FCN2: variants seen among roughly 807,000 people sequenced by gnomAD.
FCN2 encodes ficolin-2.
Under a neutral mutation model 32.5 loss-of-function variants are expected in FCN2, and 31 were observed. That is an observed-to-expected ratio of 0.96 (90% confidence interval 0.72 to 1.29). The LOEUF is 1.29. Ranked by LOEUF, FCN2 falls within the 50% of genes most tolerant of loss-of-function variation. The probability of loss-of-function intolerance (pLI) is 0.00; values close to 1 mark genes in which losing one functional copy is unlikely to be tolerated. For synonymous variants in FCN2, 181 were observed against 164.5 expected (o/e 1.10, Z -0.77); for missense variants, 412 against 406.5 (o/e 1.01, Z -0.12).
chr9:134,885,891 G>A lies in FCN2; in HGVS notation c.553G>A (p.Ala185Thr), dbSNP rs55860122. 5.2e-5 allele frequency: 84 copies of A among 1,612,330 alleles called. 1 individual carries two copies. Among genetic ancestry groups the A allele is most frequent in the East Asian group, 5.1e-4 (23 of 44,824 alleles). ...GAATGACAACATCCACGCCCTGACC[G>A]CCCAGGGTAGGGCCGCTGCTGGGGC... Reference protein sequence around the residue: ...LGNDNIHALTAQGTSELRVDL... With the variant: ...LGNDNIHALTTQGTSELRVDL... The change falls in exon 6 of 8, where the codon GCC (alanine) becomes ACC (threonine). Residue 185 changes from alanine (A) to threonine (T), a missense_variant. By Grantham distance (58) the Ala-to-Thr change is moderately conservative (BLOSUM62 0). Coordinates refer to ENST00000291744, the MANE Select transcript of FCN2 (RefSeq NM_004108.3).
chr9:134,886,367 C>A, intron 6 of FCN2, 63 bp from the exon 7 acceptor site: 1 of 1,603,480 alleles, frequency 6.2e-7, no homozygotes, highest in Non-Finnish European at 8.5e-7. Flanking sequence ...CCCCAGATCC[C>A]CAGCTCCCAT....
the FCN2 span, among the ~76,000 whole-genome samples, chr9:134,870,743 A>T: frequency 6.6e-6 from 1 of 151,214 alleles, no homozygotes; most frequent in South Asian, 2.1e-4. The surrounding 1 kb of genome is among the most constrained non-coding windows in gnomAD (Gnocchi z 4.3). Flanking sequence ...GAGTCGTCAG[A>T]TGCTCCCAGG....
chr9:134,872,359 G>A, the FCN2 span, among the ~76,000 whole-genome samples: 1 of 152,214 alleles, frequency 6.6e-6, no homozygotes, highest in Non-Finnish European at 1.5e-5. Context: ...GCTTCCAGGT[G>A]GGGCCATGAC....
the FCN2 span, chr9:134,868,212 A>G: frequency 1.3e-5 from 2 of 152,118 alleles, no homozygotes; most frequent in Non-Finnish European, 2.9e-5. This position sits in a 1 kb window ranked among gnomAD's most constrained non-coding sequence, Gnocchi z 4.3. Context: ...AGAATGCCCT[A>G]TTTTTCCCTC....
intron 6 of FCN2, 132 bp from the exon 7 acceptor site, chr9:134,886,298 A>ATGC: frequency 1.9e-6 from 2 of 1,059,630 alleles, no homozygotes; most frequent in Non-Finnish European, 2.9e-6. Context: ...GGCCCCGGGG[A>ATGC]TGCTGCGGTG....
At chr9:134,878,214 A>G (rs1588640512), upstream of FCN2, among the ~76,000 whole-genome samples, 1 of 152,180 alleles carries the variant, frequency 6.6e-6, no homozygotes, top group African/African-American at 2.4e-5. Context: ...CCCTTTATAT[A>G]TGCCTATCCT....
At chr9:134,870,720 G>A in the FCN2 span, among the ~76,000 whole-genome samples, 10 of 152,212 alleles carry the variant, frequency 6.6e-5, no homozygotes, top group East Asian at 1.9e-3. This position sits in a 1 kb window ranked among gnomAD's most constrained non-coding sequence, Gnocchi z 4.3. Context: ...CACAGTATAA[G>A]CCCCCAGACT....
intron 3 of FCN2, among the ~76,000 whole-genome samples, chr9:134,884,194 G>A (rs1324121999): frequency 2.0e-5 from 3 of 152,120 alleles, no homozygotes; most frequent in Non-Finnish European, 4.4e-5. Flanking sequence ...ATTTTCTTGA[G>A]GAATAAATTT....
rs200387049 is a variant in FCN2, at chr9:134,882,598, C to A, written c.173C>A (p.Ala58Asp). 4.3e-6 allele frequency: 7 copies of A among 1,613,956 alleles called. No individual in the cohort carries two copies. The highest frequency in any genetic ancestry group is 2.2e-5 in the East Asian group (1 of 44,872). Residue 58 changes from alanine (A) to aspartate (D), a missense_variant, in exon 2 of 8, where the codon GCC becomes GAC. By Grantham distance (126) the Ala-to-Asp change is moderately radical. Coordinates refer to ENST00000291744, the MANE Select transcript of FCN2 (RefSeq NM_004108.3). ...ILRGCPGLPG[A>D]PGPKGEAGTN... ...CGAGGCTGTCCGGGGCTGCCTGGGG[C>A]CCCTGGGCCCAAGGGAGAGGCAGGC... is the stretch of plus-strand genomic sequence containing the variant.
At chr9:134,878,375 A>G (rs925393518), upstream of FCN2, among the ~76,000 whole-genome samples, 39 of 152,128 alleles carry the variant, frequency 2.6e-4, no homozygotes, top group African/African-American at 9.2e-4. Flanking sequence ...CTTGCCCGTA[A>G]CAAGTGACGT....
intron 2 of FCN2, 98 bp from the exon 3 acceptor site, chr9:134,883,204 A>G (rs1337806148): frequency 3.9e-6 from 4 of 1,018,586 alleles, no homozygotes; most frequent in East Asian, 2.4e-5. Context: ...GAGCAGGGTC[A>G]TGGTCATGAT....
At chr9:134,883,241 G>A (rs2133001028) in intron 2 of FCN2, 61 bp from the exon 3 acceptor site, 3 of 1,365,642 alleles carry the variant, frequency 2.2e-6, no homozygotes, top group Non-Finnish European at 2.1e-6. Context: ...CAGCTCCAGG[G>A]TGGGCCCTTT....
the FCN2 span, among the ~76,000 whole-genome samples, chr9:134,866,518 C>G: frequency 3.3e-4 from 49 of 149,760 alleles, no homozygotes; most frequent in African/African-American, 1.1e-3. Flanking sequence ...AAATGTTAGA[C>G]CTAAAACCAT....
intron 7 of FCN2, among the ~76,000 whole-genome samples, chr9:134,886,817 A>G (rs1830765040): frequency 6.6e-6 from 1 of 152,206 alleles, no homozygotes; most frequent in Admixed American, 6.5e-5. Context: ...GCAGGGACCT[A>G]TGCACGGTGA....
At position 134,884,777 on chromosome 9, in the gene FCN2, C is replaced by G; in HGVS notation, c.301+5C>G. 6.2e-7 allele frequency: 1 copy of G among 1,613,832 alleles called. No homozygotes were observed. Among genetic ancestry groups the G allele is most frequent in the Non-Finnish European group, 8.5e-7 (1 of 1,179,782 alleles). On this transcript the variant is annotated splice_donor_5th_base_variant and intron_variant, in intron 4 of 7. Transcript: ENST00000291744. ...AGCCCCAGCCGTGCCTGACAGGTGA[C>G]TGACCACCCCCACACTCCTCCCACG...
At chr9:134,885,443 C>T in intron 5 of FCN2, 77 bp downstream of exon 5, 6 of 1,569,370 alleles carry the variant, frequency 3.8e-6, no homozygotes, top group South Asian at 2.3e-5. Flanking sequence ...GGAGAACACA[C>T]TCTGGAATTC....
At chr9:134,873,559 C>T in the FCN2 span, among the ~76,000 whole-genome samples, 15 of 152,238 alleles carry the variant, frequency 9.9e-5, no homozygotes, top group African/African-American at 2.9e-4. Context: ...ATCATCTCCC[C>T]GTGTCACGAC....
At chr9:134,875,951 G>T (rs4240710), upstream of FCN2, among the ~76,000 whole-genome samples, 129,215 of 152,248 alleles carry the variant, frequency 0.85, 55,200 homozygotes, top group East Asian at 0.98. Flanking sequence ...TGATAGAAAA[G>T]GAATACTTTT....
the FCN2 span, among the ~76,000 whole-genome samples, chr9:134,872,054 G>T: frequency 7.9e-5 from 12 of 151,718 alleles, no homozygotes; most frequent in East Asian, 7.8e-4. Flanking sequence ...ACTCTCTGCT[G>T]CCTGTCTTCC....
Sources: gnomAD v4.1 joint callset for allele counts (sites outside exome capture counted in the v4.1 genomes callset) on GRCh38, gnomAD v4.1.1 for gene constraint, Gnocchi (gnomAD v3.1) non-coding constraint, MANE v1.5 for transcripts, NCBI Gene and HGNC (gene_info 2026-07-23, HGNC 2026-07-21) for gene names.